DOCK11: variants seen among roughly 807,000 people sequenced by gnomAD.
DOCK11 encodes dedicator of cytokinesis 11, also known as dedicator of cytokinesis protein 11.
In DOCK11, 70 loss-of-function variants were observed where a neutral mutation model predicts 169.1. The ratio of observed to expected loss-of-function variants is 0.41; its 90% CI spans 0.34 to 0.51. The LOEUF (loss-of-function observed/expected upper bound fraction) is 0.51, where lower values mean the gene tolerates loss of function less well. Ranked by LOEUF, DOCK11 falls within the 20% of genes least tolerant of loss-of-function variation. The probability of loss-of-function intolerance (pLI) is 0.10; values close to 1 mark genes in which losing one functional copy is unlikely to be tolerated. For synonymous variants in DOCK11, 529 were observed against 541.3 expected (o/e 0.98, Z 0.32); for missense variants, 1,166 against 1,538.8 (o/e 0.76, Z 4.05).
At position 118,649,132 on chromosome X, in the gene DOCK11, G is replaced by A; in HGVS notation, c.4581+5G>A. ...TTTTTGAGGACACATCTACAGGTCA[G>A]TGAAAATAAAAGCGCCTCTTCATCT... On this transcript the variant is annotated splice_donor_5th_base_variant and intron_variant, in intron 41 of 52. Transcript: ENST00000276202. 1 of 1,156,612 alleles carries A rather than the reference G, an allele frequency of 8.6e-7. No homozygotes were observed. The highest frequency in any genetic ancestry group is 1.1e-6 in the Non-Finnish European group (1 of 870,129).
At chrX:118,563,318 C>T (rs1335729279) in intron 7 of DOCK11, among the ~76,000 whole-genome samples, 1 of 111,010 alleles carries the variant, frequency 9.0e-6, no homozygotes, top group Non-Finnish European at 1.9e-5. Context: ...ATGTTGTGTG[C>T]CTGTAGTGCC....
At chrX:118,596,197 T>C (rs183766071) in intron 20 of DOCK11, among the ~76,000 whole-genome samples, 69 of 112,405 alleles carry the variant, frequency 6.1e-4, no homozygotes, top group Admixed American at 5.9e-3. Context: ...TTAACTACTT[T>C]GACAGAGTCA....
At chrX:118,577,045 C>T (rs747333592) in intron 12 of DOCK11, among the ~76,000 whole-genome samples, 1 of 112,809 alleles carries the variant, frequency 8.9e-6, no homozygotes, top group East Asian at 2.8e-4. Flanking sequence ...CAATCTTCTT[C>T]ACCCACTTAC....
At chrX:118,496,498 C>T (rs1274319626) in intron 1 of DOCK11, among the ~76,000 whole-genome samples, 1 of 112,846 alleles carries the variant, frequency 8.9e-6, no homozygotes, top group Non-Finnish European at 1.9e-5. Context: ...CGGAAGGATG[C>T]GATGAGCGTT....
intron 1 of DOCK11, among the ~76,000 whole-genome samples, chrX:118,535,116 A>G (rs2011708345): frequency 8.9e-6 from 1 of 112,440 alleles, no homozygotes; most frequent in Admixed American, 9.4e-5. Context: ...TAGTTTGAGT[A>G]AGTTTTAGAA....
At chrX:118,523,674 T>A (rs2011310646) in intron 1 of DOCK11, among the ~76,000 whole-genome samples, 1 of 112,223 alleles carries the variant, frequency 8.9e-6, no homozygotes, top group Admixed American at 9.4e-5. Context: ...CACAGCCATT[T>A]CTAGAGGATT....
At chrX:118,665,635 A>G (rs1045334028) in intron 45 of DOCK11, among the ~76,000 whole-genome samples, 3 of 112,412 alleles carry the variant, frequency 2.7e-5, no homozygotes, top group Non-Finnish European at 3.7e-5. Context: ...TAATTTATAC[A>G]TACTTCTATT....
intron 24 of DOCK11, among the ~76,000 whole-genome samples, chrX:118,606,102 T>G (rs2014491664): frequency 9.5e-6 from 1 of 104,734 alleles, no homozygotes; most frequent in African/African-American, 3.5e-5. Flanking sequence ...TTTTTTTTTT[T>G]TTGAGACAGA....
chrX:118,649,959 T>C (rs1472689976), intron 41 of DOCK11, among the ~76,000 whole-genome samples: 1 of 111,748 alleles, frequency 8.9e-6, no homozygotes, highest in Non-Finnish European at 1.9e-5. Flanking sequence ...TTAAATGAGA[T>C]GATTAAATAA....
At position 118,528,171 on chromosome X, in the gene DOCK11, C is replaced by T. The variant is rs775439273; in HGVS notation, c.103-14554C>T. 4.5e-5 allele frequency among the ~76,000 whole-genome samples: 5 copies of T among 111,816 alleles called. No individual in the cohort carries two copies. In the East Asian group the frequency reaches 8.5e-4, roughly 19 times the overall value. ...CTATAGGCTGAGGCATAGGGAGCTG[C>T]CAAGGTGGAAGTCAAAACCTTGAGG... On this transcript the variant is annotated intron_variant, in intron 1 of 52. Transcript: ENST00000276202.
chrX:118,597,328 C>T, intron 20 of DOCK11, 103 bp from the exon 21 acceptor site: 1 of 1,073,515 alleles, frequency 9.3e-7, no homozygotes, highest in Non-Finnish European at 1.3e-6. Flanking sequence ...CATACAGATC[C>T]CTGGAGACAT....
At chrX:118,582,079 G>A (rs1249256178) in intron 14 of DOCK11, among the ~76,000 whole-genome samples, 1 of 110,141 alleles carries the variant, frequency 9.1e-6, no homozygotes, top group Non-Finnish European at 1.9e-5. Flanking sequence ...GCAGTGAGCC[G>A]AGATCACAGC....
chrX:118,643,738 C>A, intron 40 of DOCK11, 144 bp downstream of exon 40: 1 of 650,865 alleles, frequency 1.5e-6, no homozygotes, highest in Non-Finnish European at 2.3e-6. Context: ...AAATACAGAA[C>A]AACAAAGCAC....
At chrX:118,578,687 G>A (rs1052821260) in intron 13 of DOCK11, 40 bp downstream of exon 13, 31 of 1,156,771 alleles carry the variant, frequency 2.7e-5, no homozygotes, top group Middle Eastern at 2.6e-4. Context: ...TCACCTTAAC[G>A]TAGAATTTGC....
intron 6 of DOCK11, among the ~76,000 whole-genome samples, chrX:118,550,686 C>T (rs1454901560): frequency 9.0e-6 from 1 of 110,973 alleles, no homozygotes; most frequent in Non-Finnish European, 1.9e-5. Flanking sequence ...TTGTACCTTT[C>T]AGTGCTCTGT....
chrX:118,546,210 C>CCAAAAAAAAAAAAAAAAAAAAAAAAAA (rs59721327), intron 6 of DOCK11, 94 bp downstream of exon 6: 1 of 45,863 alleles, frequency 2.2e-5, no homozygotes, highest in African/African-American at 8.9e-5. Flanking sequence ...AGAGCCCTAG[C>CCAAAAAAAAAAAAAAAAAAAAAAAAAA]AAAAAAAAAA....
intron 1 of DOCK11, among the ~76,000 whole-genome samples, chrX:118,524,050 G>A (rs1443640581): frequency 8.9e-6 from 1 of 112,164 alleles, no homozygotes; most frequent in African/African-American, 3.2e-5. Flanking sequence ...GTAGGGCTGA[G>A]GAATCGTATA....
At chrX:118,522,101 T>C (rs1164222744) in intron 1 of DOCK11, among the ~76,000 whole-genome samples, 1 of 111,507 alleles carries the variant, frequency 9.0e-6, no homozygotes, top group African/African-American at 3.3e-5. Flanking sequence ...GGCAGATCAC[T>C]TGAGGCCAGG....
chrX:118,526,585 G>A (rs756259356), intron 1 of DOCK11, among the ~76,000 whole-genome samples: 1 of 112,204 alleles, frequency 8.9e-6, no homozygotes, highest in East Asian at 2.8e-4. Context: ...CTACAGTAGT[G>A]CCAGTACATT....
Sources: gnomAD v4.1 joint callset for allele counts (sites outside exome capture counted in the v4.1 genomes callset) on GRCh38, gnomAD v4.1.1 for gene constraint, MANE v1.5 for transcripts, NCBI Gene and HGNC (gene_info 2026-07-23, HGNC 2026-07-21) for gene names.